ZNF521: variants seen among roughly 807,000 people sequenced by gnomAD.
The protein encoded by ZNF521 is zinc finger protein 521, also known as LYST-interacting protein 3.
In ZNF521, 14 loss-of-function variants were observed where a neutral mutation model predicts 105.5. The ratio of observed to expected loss-of-function variants is 0.13; its 90% CI spans 0.09 to 0.21. The LOEUF is 0.21. Ranked by LOEUF, ZNF521 falls within the 10% of genes least tolerant of loss-of-function variation. ZNF521 has a pLI of 1.00. For synonymous variants in ZNF521, 635 were observed against 606.0 expected, an observed-to-expected ratio of 1.05 and a Z score of -0.70; for missense variants, 1,233 against 1,629.7, an observed-to-expected ratio of 0.76 and a Z score of 4.19.
At chr18:25,215,483 A>G (rs2144699355) in intron 4 of ZNF521, among the ~76,000 whole-genome samples, 2 of 152,314 alleles carry the variant, frequency 1.3e-5, no homozygotes, top group South Asian at 4.1e-4. Flanking sequence ...ACTAATCTCC[A>G]TCTTGACAAA....
chr18:25,327,641 G>C (rs1481163315), intron 2 of ZNF521: 1 of 520,858 alleles, frequency 1.9e-6, no homozygotes, highest in African/African-American at 1.9e-5. Context: ...CCAAAGGGCG[G>C]GATCATTATT....
intron 5 of ZNF521, among the ~76,000 whole-genome samples, chr18:25,177,025 A>T (rs995462774): frequency 1.3e-5 from 2 of 152,186 alleles, no homozygotes; most frequent in Admixed American, 6.5e-5. Flanking sequence ...TCACTATGTA[A>T]AATTTTTACA....
At chr18:25,136,105 G>A (rs943737369) in intron 5 of ZNF521, among the ~76,000 whole-genome samples, 30 of 152,010 alleles carry the variant, frequency 2.0e-4, no homozygotes, top group African/African-American at 1.7e-4. Flanking sequence ...CAAAAATTTC[G>A]TAATAATATA....
At chr18:25,229,072 A>G (rs1199020144) in intron 3 of ZNF521, among the ~76,000 whole-genome samples, 3 of 152,236 alleles carry the variant, frequency 2.0e-5, no homozygotes, top group East Asian at 1.9e-4. Context: ...GTATGTTCAA[A>G]TAAGTTTTTA....
intron 3 of ZNF521, among the ~76,000 whole-genome samples, chr18:25,291,453 T>C (rs1911014807): frequency 1.3e-5 from 2 of 152,188 alleles, no homozygotes; most frequent in African/African-American, 4.8e-5. Context: ...TAGGTAAAGG[T>C]AGTGGAATTA....
intron 3 of ZNF521, among the ~76,000 whole-genome samples, chr18:25,258,793 C>G (rs1908696476): frequency 6.6e-6 from 1 of 151,998 alleles, no homozygotes; most frequent in African/African-American, 2.4e-5. Context: ...TAAAAGAAGA[C>G]CACTTATATG....
rs148222059 is a variant in ZNF521, at chr18:25,236,002, T to C, written c.221-8305A>G. Among the ~76,000 whole-genome samples, 68 of 152,336 alleles carry C rather than the reference T, an allele frequency of 4.5e-4. No homozygotes were observed. In the East Asian group the frequency reaches 0.013, roughly 29 times the overall value. ...TTCTTGATTTGGACATACATGTGTC[T>C]AACAAATGATAGGAATTGTTAAGGT... On this transcript the variant is annotated intron_variant, in intron 3 of 7. Transcript: ENST00000361524.
intron 3 of ZNF521, among the ~76,000 whole-genome samples, chr18:25,278,845 T>C (rs752438699): frequency 2.0e-5 from 3 of 152,220 alleles, no homozygotes; most frequent in Non-Finnish European, 4.4e-5. Flanking sequence ...TATTATAAAG[T>C]GATGCCATAA....
chr18:25,221,783 T>C (rs1005136251), intron 4 of ZNF521, among the ~76,000 whole-genome samples: 1 of 152,212 alleles, frequency 6.6e-6, no homozygotes, highest in Non-Finnish European at 1.5e-5. Flanking sequence ...TGAGAACTTA[T>C]AGAAATTTAA....
At chr18:25,250,826 C>A (rs1043945472) in intron 3 of ZNF521, among the ~76,000 whole-genome samples, 2 of 152,134 alleles carry the variant, frequency 1.3e-5, no homozygotes, top group East Asian at 3.8e-4. Context: ...ATGTAAAAAT[C>A]ATGTCTCTCC....
At chr18:25,271,741 G>T (rs555075454) in intron 3 of ZNF521, among the ~76,000 whole-genome samples, 32 of 152,162 alleles carry the variant, frequency 2.1e-4, no homozygotes, top group African/African-American at 7.2e-4. Flanking sequence ...CTGGATCCCT[G>T]CCTTACACCT....
intron 7 of ZNF521, among the ~76,000 whole-genome samples, chr18:25,081,186 C>T (rs1169656579): frequency 6.6e-6 from 1 of 152,156 alleles, no homozygotes; most frequent in Non-Finnish European, 1.5e-5. Flanking sequence ...TACACCCTGG[C>T]TGGATGCTCC....
chr18:25,114,020 A>G (rs2144313341), intron 5 of ZNF521, among the ~76,000 whole-genome samples: 1 of 151,926 alleles, frequency 6.6e-6, no homozygotes, highest in East Asian at 1.9e-4. Flanking sequence ...TTGTGCCCTC[A>G]TGGTTAGCAC....
chr18:25,071,937 A>C (rs962893238), intron 7 of ZNF521, among the ~76,000 whole-genome samples: 53 of 152,178 alleles, frequency 3.5e-4, no homozygotes, highest in African/African-American at 1.2e-3. Context: ...TGGCCCCCGA[A>C]GTAGAGGGAA....
At chr18:25,189,091 C>T (rs1028276770) in intron 5 of ZNF521, among the ~76,000 whole-genome samples, 4 of 152,154 alleles carry the variant, frequency 2.6e-5, no homozygotes, top group Non-Finnish European at 1.5e-5. Context: ...AAGACTTTAT[C>T]CCAGGTTCCT....
rs912087316 is a variant in ZNF521 at position 25,117,218 on chromosome 18, T to A, written c.3659-25137A>T. ...TACCAAGCTCTTTCCTTTCTAGTGT[T>A]TTCCCTCACTCTCTCTCTCTGTATA... On this transcript the variant is annotated intron_variant, in intron 5 of 7. Transcript: ENST00000361524. Among the ~76,000 whole-genome samples, 8 of 151,720 alleles carry A rather than the reference T, an allele frequency of 5.3e-5. No homozygotes were observed. In the South Asian group the frequency reaches 1.2e-3, roughly 24 times the overall value.
rs770777399 is a variant in ZNF521 at position 25,226,914 on chromosome 18, G to A, written c.1004C>T (p.Pro335Leu). ...GCTGTTGCTGTGATTGCATGACTCC[G>A]GTTGCTGGTGACTGTCCATGTGGCT... ...LYSHMDSHQQPESCNHSNSPS... is the reference protein window; with the variant it reads ...LYSHMDSHQQLESCNHSNSPS... The change falls in exon 4 of 8, where the codon CCG becomes CTG. Residue 335 changes from proline (P) to leucine (L), a missense_variant. Transcript: ENST00000361524. The surrounding 1 kb of genome is among the most constrained non-coding windows in gnomAD (Gnocchi z 4.1). The A allele has an allele frequency of 4.6e-5, 74 of 1,613,642 alleles. No individual in the cohort carries two copies. Among genetic ancestry groups the A allele is most frequent in the African/African-American group, 6.7e-5 (5 of 74,802 alleles).
chr18:25,066,214 C>T lies in ZNF521; in HGVS notation c.3907-3473G>A, dbSNP rs528937158. ...GGTGTCCCCAGGCCTGGCTGTCCAC[C>T]ATTGGCAGTGATGCTCATGGTGGAA... On this transcript the variant is annotated intron_variant, in intron 7 of 7. Transcript: ENST00000361524. 2.6e-5 allele frequency among the ~76,000 whole-genome samples: 4 copies of T among 152,158 alleles called. No homozygotes were observed. The East Asian group carries it at 7.7e-4, about 29-fold the overall frequency.
At chr18:25,234,076 A>T (rs917445617) in intron 3 of ZNF521, among the ~76,000 whole-genome samples, 2 of 152,208 alleles carry the variant, frequency 1.3e-5, no homozygotes, top group Admixed American at 1.3e-4. Context: ...GTGTTTCTGA[A>T]GCCAGACAGA....
Sources: gnomAD v4.1 joint callset for allele counts (sites outside exome capture counted in the v4.1 genomes callset) on GRCh38, gnomAD v4.1.1 for gene constraint, Gnocchi (gnomAD v3.1) non-coding constraint, MANE v1.5 for transcripts, NCBI Gene and HGNC (gene_info 2026-07-23, HGNC 2026-07-21) for gene names.